Variants in ZNF429 observed in about 807,000 individuals in gnomAD.
ZNF429 encodes the protein zinc finger protein 429.
A neutral mutation model predicts 56.8 loss-of-function variants in ZNF429; 53 were observed. The ratio of observed to expected loss-of-function variants is 0.93; its 90% CI spans 0.75 to 1.17. The LOEUF is 1.17. Among genes scored for constraint, ZNF429 ranks in the 50% most tolerant of loss-of-function variants. ZNF429 has a pLI of 0.00. For missense variants in ZNF429, 849 were observed against 788.4 expected, an observed-to-expected ratio of 1.08 and a Z score of -0.92; for synonymous variants, 278 against 264.7, an observed-to-expected ratio of 1.05 and a Z score of -0.49.
chr19:21,531,471 T>C, intron 3 of ZNF429, among the ~76,000 whole-genome samples: 17 of 152,260 alleles, frequency 1.1e-4, no homozygotes, highest in Admixed American at 4.6e-4. Flanking sequence ...TCTATTTTAA[T>C]ATAGTACTGG....
chr19:21,507,662 G>A (rs1266589725), intron 1 of ZNF429: 1 of 152,432 alleles, frequency 6.6e-6, no homozygotes, highest in East Asian at 1.9e-4. Context: ...TATCAGTCAT[G>A]GCTATGTCTG....
chr19:21,511,677 C>A (rs557227419), intron 1 of ZNF429, among the ~76,000 whole-genome samples: 2 of 151,528 alleles, frequency 1.3e-5, no homozygotes. Context: ...GACGGGGTGG[C>A]GGCCGGGCAG....
chr19:21,537,037 T>G lies in ZNF429; in HGVS notation c.984T>G (p.Leu328=). The G allele has an allele frequency of 6.2e-7, 1 of 1,614,054 alleles. No homozygotes were observed. The highest frequency in any genetic ancestry group is 8.5e-7 in the Non-Finnish European group (1 of 1,179,982). ...CGKAFNRSST[L]TSHKRIHTGE... The stretch of plus-strand genomic sequence containing the variant: ...AAGCCTTTAACCGGTCCTCAACCCT[T>G]ACTAGCCATAAGAGAATACATACTG... Residue 328 remains leucine (L), a synonymous_variant, in exon 4 of 4, where the codon CTT becomes CTG. Transcript: ENST00000358491.
intron 1 of ZNF429, among the ~76,000 whole-genome samples, chr19:21,508,995 C>T (rs1984771): frequency 0.2 from 29,791 of 151,744 alleles, 2,997 homozygotes; most frequent in African/African-American, 0.22. Context: ...TAGAAGTGTT[C>T]CCATATGACT....
intron 3 of ZNF429, among the ~76,000 whole-genome samples, chr19:21,531,101 C>A: frequency 3.3e-5 from 3 of 90,992 alleles, no homozygotes; most frequent in East Asian, 3.5e-4. Context: ...AGTGAAACTC[C>A]ATCTCAAAAA....
At chr19:21,531,106 C>CAAAAAAAAAAAAAAAAA in intron 3 of ZNF429, among the ~76,000 whole-genome samples, 4 of 17,548 alleles carry the variant, frequency 2.3e-4, no homozygotes, top group Non-Finnish European at 3.9e-4. Flanking sequence ...AACTCCATCT[C>CAAAAAAAAAAAAAAAAA]AAAAAAAAAA....
rs528595840 is a variant in ZNF429, at chr19:21,540,628, T to C, written c.*2550T>C. Among the ~76,000 whole-genome samples the C allele has an allele frequency of 6.6e-6, 1 of 151,920 alleles. No individual in the cohort carries two copies. The highest frequency in any genetic ancestry group is 2.4e-5 in the African/African-American group (1 of 41,410). On this transcript the variant is annotated 3_prime_UTR_variant, in exon 4 of 4. Coordinates refer to ENST00000358491, the MANE Select transcript of ZNF429 (RefSeq NM_001001415.4). Reference sequence around the variant, plus strand: ...CATGGTTATCTTTGTGGTATAAAAATTTATATATAAGTATAAATAAACTCA... The same window carrying C: ...CATGGTTATCTTTGTGGTATAAAAACTTATATATAAGTATAAATAAACTCA...
chr19:21,540,666 AAAT>A (rs2033890478), exon 4 of ZNF429, among the ~76,000 whole-genome samples: 2 of 145,276 alleles, frequency 1.4e-5, no homozygotes, highest in Non-Finnish European at 3.1e-5. Flanking sequence ...TCTGAGTCTT[AAAT>A]AGATATTTTC....
At position 21,537,385 on chromosome 19, in the gene ZNF429, G is replaced by C; in HGVS notation, c.1332G>C (p.Lys444Asn). ...FTYSSTLTRH[K>N]RIHTEEKPYK... ...ATTCCTCTACACTTACTAGACATAA[G>C]AGAATTCATACTGAAGAGAAACCCT... The change falls in exon 4 of 4, where the codon AAG becomes AAC. Residue 444 changes from lysine to asparagine, a missense_variant. Physicochemically the swap from Lys to Asn is moderately conservative, Grantham distance 94. Coordinates refer to ENST00000358491, the MANE Select transcript of ZNF429 (RefSeq NM_001001415.4). The C allele has an allele frequency of 6.2e-7, 1 of 1,612,978 alleles. No individual in the cohort carries two copies. The highest frequency in any genetic ancestry group is 8.5e-7 in the Non-Finnish European group (1 of 1,179,698).
At chr19:21,524,715 A>G (rs2033103060) in intron 1 of ZNF429, among the ~76,000 whole-genome samples, 1 of 151,984 alleles carries the variant, frequency 6.6e-6, no homozygotes. Flanking sequence ...GTCACTGGGA[A>G]CCCTCTCTCA....
At chr19:21,508,191 C>T (rs530357843) in intron 1 of ZNF429, among the ~76,000 whole-genome samples, 26 of 151,124 alleles carry the variant, frequency 1.7e-4, no homozygotes, top group Non-Finnish European at 3.4e-4. Flanking sequence ...TGCGGTGAGC[C>T]GAGATCGTGC....
intron 3 of ZNF429, among the ~76,000 whole-genome samples, chr19:21,536,065 C>T: frequency 2.0e-5 from 3 of 152,040 alleles, no homozygotes; most frequent in Admixed American, 1.3e-4. Flanking sequence ...TCACCTGGGG[C>T]GTTGTACACA....
Position 21,540,500 on chromosome 19 carries a change from G to A in ZNF429, c.*2422G>A, listed in dbSNP as rs1168309514. Among the ~76,000 whole-genome samples, 1 of 151,798 alleles carries A rather than the reference G, an allele frequency of 6.6e-6. No individual in the cohort carries two copies. The highest frequency in any genetic ancestry group is 2.4e-5 in the African/African-American group (1 of 41,348). On this transcript the variant is annotated 3_prime_UTR_variant, in exon 4 of 4. Transcript: ENST00000358491. ...TGTAATAATTACATCAATTACATCA[G>A]GGTAAATTATGTAGCCATTACTTGT...
chr19:21,537,113 TC>T lies in ZNF429; in HGVS notation c.1061del (p.Ser354Ter), dbSNP rs769510969. The T allele has an allele frequency of 6.2e-7, 1 of 1,613,850 alleles. No individual in the cohort carries two copies. Among genetic ancestry groups the T allele is most frequent in the Non-Finnish European group, 8.5e-7 (1 of 1,179,886 alleles). On this transcript the variant is annotated frameshift_variant, in exon 4 of 4. Transcript: ENST00000358491. LOFTEE classifies it high-confidence loss of function. ...ATGTGGCAAAGCCTTTAACTGGTCT[TC>T]AACTCTTACTAAACATAAGGTAATT... ...EECGKAFNWSSTLTKHKVIHT... is the reference protein window; with the variant it reads ...EECGKAFNWSXTLTKHKVIHT...
At chr19:21,517,103 A>G (rs2032778977) in intron 1 of ZNF429, among the ~76,000 whole-genome samples, 1 of 152,224 alleles carries the variant, frequency 6.6e-6, no homozygotes, top group African/African-American at 2.4e-5. Flanking sequence ...ACTATTTTGA[A>G]GTATGTACCT....
chr19:21,535,414 T>TTCTCTC, intron 3 of ZNF429, among the ~76,000 whole-genome samples: 106 of 1,830 alleles, frequency 0.058, 32 homozygotes, highest in African/African-American at 0.25. Context: ...TCTTTTTCTT[T>TTCTCTC]TCTTTCTTTC....
intron 1 of ZNF429, among the ~76,000 whole-genome samples, chr19:21,527,101 C>A (rs549893627): frequency 6.6e-6 from 1 of 152,122 alleles, no homozygotes; most frequent in Non-Finnish European, 1.5e-5. Flanking sequence ...TGACAAGAGT[C>A]CTGAGTGGAA....
chr19:21,536,156 G>A, intron 3 of ZNF429, 124 bp from the exon 4 acceptor site: 4 of 968,016 alleles, frequency 4.1e-6, no homozygotes, highest in African/African-American at 1.6e-5. Context: ...GAAGAAATTA[G>A]AATCTGGTAT....
rs2033882191 is a variant in ZNF429, at chr19:21,540,418, C to T, written c.*2340C>T. Among the ~76,000 whole-genome samples, 1 of 151,614 alleles carries T rather than the reference C, an allele frequency of 6.6e-6. No individual in the cohort carries two copies. The highest frequency in any genetic ancestry group is 6.6e-5 in the Admixed American group (1 of 15,210). On this transcript the variant is annotated 3_prime_UTR_variant, in exon 4 of 4. Coordinates refer to ENST00000358491, the MANE Select transcript of ZNF429 (RefSeq NM_001001415.4). ...TTTTTTTCTTATTTTTTTGTGGGTA[C>T]ATAATATGTGTATATATTTATGCAA...
Sources: allele counts gnomAD v4.1 joint callset (sites outside exome capture counted in the v4.1 genomes callset), GRCh38; gene constraint gnomAD v4.1.1; transcripts MANE v1.5; gene names NCBI Gene and HGNC (gene_info 2026-07-23, HGNC 2026-07-21).